The following CACNA2D3 variants were observed in gnomAD, a reference collection of about 807,000 sequenced individuals.
The protein encoded by CACNA2D3 is voltage-dependent calcium channel subunit alpha-2/delta-3.
In CACNA2D3, 60 loss-of-function variants were observed where a neutral mutation model predicts 160.6. That is an observed-to-expected ratio of 0.37 (90% CI 0.30 to 0.46). The LOEUF (loss-of-function observed/expected upper bound fraction) is 0.46. CACNA2D3 is among the 20% of genes least tolerant of loss of function. The probability of loss-of-function intolerance (pLI) is 1.00; values close to 1 mark genes in which losing one functional copy is unlikely to be tolerated. For missense variants in CACNA2D3, 1,205 were observed against 1,365.0 expected, an observed-to-expected ratio of 0.88 and a Z score of 1.85; for synonymous variants, 558 against 492.9, an observed-to-expected ratio of 1.13 and a Z score of -1.75.
chr3:54,736,142 C>CATATATATATATGTATATATAT (rs1559563872), intron 11 of CACNA2D3, among the ~76,000 whole-genome samples: 2 of 69,156 alleles, frequency 2.9e-5, no homozygotes, highest in African/African-American at 5.3e-5. Flanking sequence ...TATATATATA[C>CATATATATATATGTATATATAT]ACACACACAC....
intron 13 of CACNA2D3, among the ~76,000 whole-genome samples, chr3:54,778,383 C>G (rs1702463109): frequency 6.6e-6 from 1 of 152,000 alleles, no homozygotes; most frequent in African/African-American, 2.4e-5. Flanking sequence ...GCCCTGTATT[C>G]TCTCACACCG....
At chr3:54,303,370 A>G (rs558095820) in intron 2 of CACNA2D3, among the ~76,000 whole-genome samples, 1 of 152,176 alleles carries the variant, frequency 6.6e-6, no homozygotes, top group Non-Finnish European at 1.5e-5. Context: ...TTCTAATTGT[A>G]TTTAATTTCC....
intron 27 of CACNA2D3, among the ~76,000 whole-genome samples, chr3:54,929,970 TG>T (rs1316288809): frequency 1.3e-5 from 2 of 152,200 alleles, no homozygotes; most frequent in Admixed American, 1.3e-4. Context: ...TCTCTTTCCC[TG>T]GGGTCAGAAA....
At chr3:54,460,945 G>A (rs1369759903) in intron 4 of CACNA2D3, among the ~76,000 whole-genome samples, 4 of 152,096 alleles carry the variant, frequency 2.6e-5, no homozygotes, top group Non-Finnish European at 4.4e-5. Context: ...TTTGAGATAC[G>A]TCCCATCAGT....
intron 35 of CACNA2D3, among the ~76,000 whole-genome samples, chr3:55,060,806 C>T (rs546578151): frequency 1.6e-4 from 25 of 152,116 alleles, no homozygotes; most frequent in African/African-American, 5.8e-4. Context: ...AAATGATAGC[C>T]AAGTTTTAAA....
At chr3:54,721,979 C>T (rs776197596) in intron 11 of CACNA2D3, among the ~76,000 whole-genome samples, 11 of 152,090 alleles carry the variant, frequency 7.2e-5, no homozygotes, top group Non-Finnish European at 1.6e-4. Flanking sequence ...TGGGGAAGTT[C>T]TCCTGGCTAA....
chr3:54,458,697 G>A (rs1463396476), intron 4 of CACNA2D3, among the ~76,000 whole-genome samples: 1 of 151,568 alleles, frequency 6.6e-6, no homozygotes, highest in South Asian at 2.1e-4. Flanking sequence ...TCCTGGATCT[G>A]GATGTTTATC....
intron 4 of CACNA2D3, among the ~76,000 whole-genome samples, chr3:54,472,015 G>GA (rs1268560879): frequency 6.6e-6 from 1 of 151,430 alleles, no homozygotes; most frequent in East Asian, 2.0e-4. Context: ...CCAAATGATA[G>GA]AAAAAAAGGG....
At chr3:54,500,556 T>TTC (rs1559498664) in intron 4 of CACNA2D3, among the ~76,000 whole-genome samples, 17 of 92,688 alleles carry the variant, frequency 1.8e-4, no homozygotes, top group African/African-American at 6.9e-4. Context: ...TTCCTTCCTT[T>TTC]CTCTCTCTTT....
chr3:54,466,627 A>G (rs1700632169), intron 4 of CACNA2D3, among the ~76,000 whole-genome samples: 2 of 152,212 alleles, frequency 1.3e-5, no homozygotes, highest in South Asian at 4.1e-4. Context: ...TTTTTTAAAA[A>G]AGAAAAATGG....
intron 4 of CACNA2D3, among the ~76,000 whole-genome samples, chr3:54,489,927 A>G (rs576280444): frequency 3.9e-5 from 6 of 152,226 alleles, no homozygotes; most frequent in Non-Finnish European, 7.4e-5. Flanking sequence ...CATTTTTCAC[A>G]TATGAGGAGA....
intron 4 of CACNA2D3, among the ~76,000 whole-genome samples, chr3:54,401,150 A>G (rs1699455805): frequency 1.3e-5 from 2 of 152,108 alleles, no homozygotes; most frequent in Non-Finnish European, 2.9e-5. Context: ...CAGAAGAAAG[A>G]AACTCTGAAC....
chr3:54,894,147 A>C (rs10510775), intron 25 of CACNA2D3, among the ~76,000 whole-genome samples: 104,567 of 152,030 alleles, frequency 0.69, 36,289 homozygotes, highest in East Asian at 0.88. Context: ...ACACCACTGC[A>C]ATAGCTCCTA....
At chr3:54,368,471 C>CAG (rs745691303) in intron 3 of CACNA2D3, among the ~76,000 whole-genome samples, 3 of 151,726 alleles carry the variant, frequency 2.0e-5, no homozygotes, top group Admixed American at 6.6e-5. Flanking sequence ...GGGAGAGGGG[C>CAG]AGAGAGAGAG....
chr3:54,171,050 A>G (rs75381546), intron 2 of CACNA2D3, among the ~76,000 whole-genome samples: 3,268 of 150,806 alleles, frequency 0.022, 120 homozygotes, highest in African/African-American at 0.072. Flanking sequence ...GAAGGACCTT[A>G]CACATCTGGA....
intron 11 of CACNA2D3, among the ~76,000 whole-genome samples, chr3:54,727,922 G>A (rs1476919925): frequency 6.6e-6 from 1 of 152,072 alleles, no homozygotes; most frequent in African/African-American, 2.4e-5. Context: ...AAAAAGATAT[G>A]TTCTGTCATT....
chr3:54,617,680 T>A (rs1315429663), intron 9 of CACNA2D3, among the ~76,000 whole-genome samples: 2 of 152,220 alleles, frequency 1.3e-5, no homozygotes, highest in Admixed American at 1.3e-4. Flanking sequence ...CAAAGTTAAT[T>A]GGGCATCCTA....
chr3:54,840,719 AT>A (rs35529003), intron 16 of CACNA2D3, among the ~76,000 whole-genome samples: 952 of 85,738 alleles, frequency 0.011, 7 homozygotes, highest in African/African-American at 0.036. Context: ...AAGAGCCATG[AT>A]TTTTTTTTTT....
intron 35 of CACNA2D3, among the ~76,000 whole-genome samples, chr3:55,034,281 T>C (rs1350840081): frequency 2.0e-5 from 3 of 152,046 alleles, no homozygotes; most frequent in Non-Finnish European, 4.4e-5. Context: ...TTGTCTTAAC[T>C]TTTCTTTTTA....
Sources: allele counts gnomAD v4.1 joint callset (sites outside exome capture counted in the v4.1 genomes callset), GRCh38; gene constraint gnomAD v4.1.1; transcripts MANE v1.5; gene names NCBI Gene and HGNC (gene_info 2026-07-23, HGNC 2026-07-21).